The following APBB1IP variants were observed in gnomAD, a reference collection of about 807,000 sequenced individuals.
The protein encoded by APBB1IP is amyloid beta A4 precursor protein-binding family B member 1-interacting protein.
APBB1IP carries 27 observed loss-of-function variants against 64.9 expected under a neutral mutation model. The observed-to-expected ratio is 0.42, with a 90% CI of 0.31 to 0.57. The LOEUF (loss-of-function observed/expected upper bound fraction) is 0.57. APBB1IP is among the 20% of genes least tolerant of loss of function. The pLI is 0.20. For synonymous variants in APBB1IP, 392 were observed against 331.0 expected, an observed-to-expected ratio of 1.18 and a Z score of -2.00; for missense variants, 812 against 845.5, an observed-to-expected ratio of 0.96 and a Z score of 0.49.
At chr10:26,538,687 G>A in intron 10 of APBB1IP, among the ~76,000 whole-genome samples, 1 of 150,826 alleles carries the variant, frequency 6.6e-6, no homozygotes, top group South Asian at 2.1e-4. Flanking sequence ...AAGGTACCAT[G>A]TTGCTAAAAG....
chr10:26,558,168 C>CACAT (rs398013062), intron 11 of APBB1IP, among the ~76,000 whole-genome samples: 5 of 150,416 alleles, frequency 3.3e-5, no homozygotes, highest in Non-Finnish European at 7.4e-5. Context: ...CACACACACA[C>CACAT]GATGCTTGTG....
chr10:26,549,124 C>T (rs897929811), intron 11 of APBB1IP, among the ~76,000 whole-genome samples: 1 of 152,174 alleles, frequency 6.6e-6, no homozygotes, highest in Admixed American at 6.5e-5. Context: ...TGATGTGTCA[C>T]ATTTATTGAT....
In APBB1IP at chr10:26,525,631, T is replaced by C. The variant is rs1415185842; in HGVS notation, c.814-7808T>C. Among the ~76,000 whole-genome samples the C allele has an allele frequency of 2.0e-5, 3 of 152,296 alleles. 1 individual carries two copies. In the East Asian group the frequency reaches 5.8e-4, roughly 29 times the overall value. On this transcript the variant is annotated intron_variant, in intron 8 of 14. Transcript: ENST00000376236. ...ACAAAAATCAGTGACATTGCCTGTG[T>C]AGGGGAGAAAGAGCTGTTTTCTAAC...
rs1319426068 is a variant in APBB1IP, at chr10:26,496,330, T to A, written c.99T>A (p.Pro33=). 4 of 1,613,040 alleles carry A rather than the reference T, an allele frequency of 2.5e-6. No homozygotes were observed. The highest frequency in any genetic ancestry group is 3.4e-6 in the Non-Finnish European group (4 of 1,179,394). ...GTTTAGGAGTTGACACTCTCCCTCC[T>A]CCTGACCCTAATCCACCCAGAGCTG... The part of the protein sequence containing the change: ...TQSLGVDTLP[P]PDPNPPRAEF... The change falls in exon 4 of 15, where the codon CCT becomes CCA. Residue 33 remains proline, a synonymous_variant. Transcript: ENST00000376236.
intron 11 of APBB1IP, among the ~76,000 whole-genome samples, chr10:26,552,538 G>A (rs980466711): frequency 6.6e-6 from 1 of 151,958 alleles, no homozygotes; most frequent in African/African-American, 2.4e-5. Flanking sequence ...GTTTCAGGGT[G>A]CCGTGAGCCA....
chr10:26,457,002 T>C (rs1185043533), intron 2 of APBB1IP, among the ~76,000 whole-genome samples: 2 of 152,130 alleles, frequency 1.3e-5, no homozygotes, highest in African/African-American at 4.8e-5. Flanking sequence ...TCTGAGAAGA[T>C]TGGCTTAGTG....
rs1564365722 is a variant in APBB1IP at position 26,513,570 on chromosome 10, T to A, written c.723T>A (p.Val241=). 6.2e-7 allele frequency: 1 copy of A among 1,612,792 alleles called. No homozygotes were observed. The highest frequency in any genetic ancestry group is 8.5e-7 in the Non-Finnish European group (1 of 1,179,736). The change falls in exon 8 of 15, where the codon GTT becomes GTA. Residue 241 remains valine (V), a synonymous_variant. Coordinates refer to ENST00000376236, the MANE Select transcript of APBB1IP (RefSeq NM_019043.4). ...ERFFEDHENV[V]EVLSDWTRDT... is the part of the protein sequence containing the mutation. ...TTTTTGAAGACCATGAAAATGTTGTTGAAGTCTTATCAGACTGGACAAGAG... is the reference window on the plus strand; with the variant it reads ...TTTTTGAAGACCATGAAAATGTTGTAGAAGTCTTATCAGACTGGACAAGAG...
At chr10:26,460,068 A>G (rs1156844660) in intron 2 of APBB1IP, among the ~76,000 whole-genome samples, 1 of 152,194 alleles carries the variant, frequency 6.6e-6, no homozygotes, top group African/African-American at 2.4e-5. Context: ...CTGAACCAAG[A>G]CAAATAATGC....
intron 8 of APBB1IP, 84 bp downstream of exon 8, chr10:26,513,744 C>A: frequency 6.8e-7 from 1 of 1,474,636 alleles, no homozygotes; most frequent in Non-Finnish European, 9.0e-7. Context: ...AGGCTGGAGA[C>A]AGGGTCTGAA....
intron 14 of APBB1IP, among the ~76,000 whole-genome samples, chr10:26,565,217 A>G (rs1033816237): frequency 6.6e-6 from 1 of 152,206 alleles, no homozygotes; most frequent in Non-Finnish European, 1.5e-5. Flanking sequence ...AACCCCCAGG[A>G]GTTGCTGTGT....
intron 3 of APBB1IP, among the ~76,000 whole-genome samples, 192 bp downstream of exon 3, chr10:26,492,590 AAG>A (rs1835969341): frequency 6.6e-6 from 1 of 152,190 alleles, no homozygotes; most frequent in African/African-American, 2.4e-5. Flanking sequence ...AAGAGTACAA[AAG>A]AGAGAAATTT....
chr10:26,462,891 G>A (rs141240996), intron 2 of APBB1IP, among the ~76,000 whole-genome samples: 338 of 152,140 alleles, frequency 2.2e-3, no homozygotes, highest in Non-Finnish European at 3.0e-3. Context: ...CCCGATTGTC[G>A]ACTCATAATT....
Position 26,567,065 on chromosome 10 carries a change from C to T in APBB1IP, c.1578C>T (p.Ser526=), listed in dbSNP as rs368104971. 6.0e-6 allele frequency: 9 copies of T among 1,497,460 alleles called. No homozygotes were observed. Among genetic ancestry groups the T allele is most frequent in the Non-Finnish European group, 7.9e-6 (9 of 1,137,338 alleles). 92.8% of individuals were successfully genotyped at this position (1,497,460 alleles called of 1,614,324 possible). Residue 526 remains serine (S), a synonymous_variant, in exon 15 of 15, where the codon TCC becomes TCT. Coordinates refer to ENST00000376236, the MANE Select transcript of APBB1IP (RefSeq NM_019043.4). ...LPPPPPVRRS[S]DTSGSPATPL... Reference sequence around the variant, plus strand: ...CGCCCCCTCCGGTGCGGAGGTCCTCCGACACCAGCGGCAGTCCCGCCACGC... The same window carrying T: ...CGCCCCCTCCGGTGCGGAGGTCCTCTGACACCAGCGGCAGTCCCGCCACGC...
In APBB1IP at chr10:26,484,863, G is replaced by C. The variant is rs534751651; in HGVS notation, c.1-7464G>C. Among the ~76,000 whole-genome samples the C allele has an allele frequency of 1.1e-4, 16 of 152,218 alleles. No homozygotes were observed. The South Asian group carries it at 2.9e-3, about 28-fold the overall frequency. On this transcript the variant is annotated intron_variant, in intron 2 of 14. Transcript: ENST00000376236. ...GGGGTACACATGAAATTAGTTATAT[G>C]ATGTGAATTAAGAAATAATTAAGAT...
chr10:26,439,815 A>T lies in APBB1IP; in HGVS notation c.-1+962A>T, dbSNP rs547261953. ...ACGTGGTTTAAACAAAGGTGCCGGT[A>T]CTAGCTACTATTCATTTTAAAATCT... On this transcript the variant is annotated intron_variant, in intron 2 of 14. Transcript: ENST00000376236. Among the ~76,000 whole-genome samples, 4 of 152,200 alleles carry T rather than the reference A, an allele frequency of 2.6e-5. No individual in the cohort carries two copies. In the South Asian group the frequency reaches 8.3e-4, roughly 32 times the overall value.
At position 26,496,405 on chromosome 10, in the gene APBB1IP, TTTC is replaced by T. The variant is rs1836025734; in HGVS notation, c.160+17_160+19del. On this transcript the variant is annotated intron_variant, in intron 4 of 14. Transcript: ENST00000376236. ...AAGATTTAAATGGTAAGCATAACAATTTCTTTTCTTAAGTAATTCAAAATCATA... is the reference window on the plus strand; with the variant it reads ...AAGATTTAAATGGTAAGCATAACAATTTTTCTTAAGTAATTCAAAATCATA... 1.3e-6 allele frequency: 2 copies of T among 1,578,450 alleles called. No individual in the cohort carries two copies. Among genetic ancestry groups the T allele is most frequent in the Non-Finnish European group, 8.7e-7 (1 of 1,149,734 alleles).
At chr10:26,523,285 AG>A (rs1241612122) in intron 8 of APBB1IP, among the ~76,000 whole-genome samples, 1 of 152,238 alleles carries the variant, frequency 6.6e-6, no homozygotes, top group Non-Finnish European at 1.5e-5. Context: ...AAGCCACAGG[AG>A]GATCAATGAT....
intron 6 of APBB1IP, among the ~76,000 whole-genome samples, chr10:26,506,143 C>A (rs1323757135): frequency 6.6e-6 from 1 of 151,794 alleles, no homozygotes; most frequent in Non-Finnish European, 1.5e-5. Context: ...TGGTCACCTT[C>A]CTAGCGAGGC....
At chr10:26,445,186 A>AAGAG (rs1209677588) in intron 2 of APBB1IP, among the ~76,000 whole-genome samples, 1 of 144,166 alleles carries the variant, frequency 6.9e-6, no homozygotes, top group Non-Finnish European at 1.5e-5. Flanking sequence ...GAAAGAAAGA[A>AAGAG]AGAAAGAAAA....
Sources: gnomAD v4.1 joint callset for allele counts (sites outside exome capture counted in the v4.1 genomes callset) on GRCh38, gnomAD v4.1.1 for gene constraint, MANE v1.5 for transcripts, NCBI Gene and HGNC (gene_info 2026-07-23, HGNC 2026-07-21) for gene names.